METTL4: variants seen among roughly 807,000 people sequenced by gnomAD.
METTL4 encodes methyltransferase 4, N6-adenosine.
METTL4 carries 40 observed loss-of-function variants against 54.0 expected under a neutral mutation model. The observed-to-expected ratio is 0.74, with a 90% confidence interval of 0.58 to 0.96. METTL4 has a LOEUF of 0.96. Ranked by LOEUF, METTL4 falls within the 50% of genes least tolerant of loss-of-function variation. The probability of loss-of-function intolerance (pLI) is 0.00; values close to 1 mark genes in which losing one functional copy is unlikely to be tolerated. For synonymous variants in METTL4, 169 were observed against 183.8 expected, an observed-to-expected ratio of 0.92 and a Z score of 0.65; for missense variants, 525 against 549.0, an observed-to-expected ratio of 0.96 and a Z score of 0.44.
In METTL4 at chr18:2,554,771, T is replaced by C. The variant is rs565502908; in HGVS notation, c.727A>G (p.Ser243Gly). The C allele has an allele frequency of 6.2e-7, 1 of 1,613,902 alleles. No individual in the cohort carries two copies. The highest frequency in any genetic ancestry group is 1.1e-5 in the South Asian group (1 of 91,076). Residue 243 changes from serine (S) to glycine (G), a missense_variant, in exon 4 of 9, where the codon AGC (serine) becomes GGC (glycine). Physicochemically the swap from Ser to Gly is moderately conservative, Grantham distance 56. Coordinates refer to ENST00000574538, the MANE Select transcript of METTL4 (RefSeq NM_022840.5). Reference protein sequence around the residue: ...LFLRVVENNSSFTKVITLMGQ... With the variant: ...LFLRVVENNSGFTKVITLMGQ... The stretch of plus-strand genomic sequence containing the variant: ...ATTAAAGTAATCACTTTTGTAAAGC[T>C]AGAGTTGTTTTCAACAACTCGCAAA...
intron 8 of METTL4, among the ~76,000 whole-genome samples, chr18:2,542,759 G>A (rs1017509468): frequency 6.6e-6 from 1 of 152,108 alleles, no homozygotes; most frequent in Non-Finnish European, 1.5e-5. Context: ...ATTATTCACT[G>A]AGAATCCTTC....
At chr18:2,543,168 T>C (rs943090822) in intron 8 of METTL4, among the ~76,000 whole-genome samples, 1 of 150,842 alleles carries the variant, frequency 6.6e-6, no homozygotes. Flanking sequence ...CTATTTAAGA[T>C]AACAGAAATC....
At chr18:2,568,851 G>T in intron 1 of METTL4, 1 of 217,248 alleles carries the variant, frequency 4.6e-6, no homozygotes, top group South Asian at 8.0e-5. Context: ...GATGATAATT[G>T]GGCCTTCAAG....
Position 2,554,680 on chromosome 18 carries a change from G to A in METTL4, c.818C>T (p.Pro273Leu). ...FLLSDISCMQPLLNYRKTFDV... is the reference protein window; with the variant it reads ...FLLSDISCMQLLLNYRKTFDV... Reference sequence around the variant, plus strand: ...CAATAATTACTTACAGTTTAGAAGTGGTTGCATACAAGAAATGTCAGATAA... The same window carrying A: ...CAATAATTACTTACAGTTTAGAAGTAGTTGCATACAAGAAATGTCAGATAA... The change falls in exon 4 of 9, where the codon CCA (proline) becomes CTA (leucine). Residue 273 changes from proline (P) to leucine (L), a missense_variant. Pro to Leu is a moderately conservative substitution (Grantham distance 98, BLOSUM62 -3). Coordinates refer to ENST00000574538, the MANE Select transcript of METTL4 (RefSeq NM_022840.5). The A allele has an allele frequency of 6.2e-7, 1 of 1,603,654 alleles. No individual in the cohort carries two copies. The highest frequency in any genetic ancestry group is 8.5e-7 in the Non-Finnish European group (1 of 1,177,552).
At chr18:2,554,404 G>A in intron 4 of METTL4, 1 of 358,194 alleles carries the variant, frequency 2.8e-6, no homozygotes. Context: ...AAACACAACT[G>A]CATACCGAAT....
At chr18:2,546,880 T>C (rs1290860588) in intron 6 of METTL4, among the ~76,000 whole-genome samples, 2 of 152,148 alleles carry the variant, frequency 1.3e-5, no homozygotes, top group African/African-American at 2.4e-5. Context: ...TAAAAGGTTC[T>C]TGGTTCTGGC....
intron 3 of METTL4, among the ~76,000 whole-genome samples, chr18:2,560,449 C>T (rs2072299773): frequency 6.6e-6 from 1 of 152,160 alleles, no homozygotes; most frequent in Non-Finnish European, 1.5e-5. Context: ...TAGCTTCCAA[C>T]ACGAGAGGGC....
At chr18:2,552,589 A>G in intron 5 of METTL4, 106 bp downstream of exon 5, 1 of 719,436 alleles carries the variant, frequency 1.4e-6, no homozygotes, top group Non-Finnish European at 2.3e-6. Context: ...GCATTTTAGT[A>G]GTTTCAGATA....
At chr18:2,564,964 C>T (rs570314653) in intron 2 of METTL4, among the ~76,000 whole-genome samples, 4 of 152,118 alleles carry the variant, frequency 2.6e-5, no homozygotes, top group East Asian at 1.9e-4. Context: ...GTGTGTGACA[C>T]GTAGTAAATG....
chr18:2,547,249 T>C (rs1175971136), intron 6 of METTL4, 106 bp downstream of exon 6: 2 of 821,844 alleles, frequency 2.4e-6, no homozygotes, highest in East Asian at 2.9e-5. Context: ...AATTAGCCCA[T>C]GTTGAAGGAG....
At chr18:2,567,833 A>T (rs2072444128) in intron 1 of METTL4, among the ~76,000 whole-genome samples, 179 bp from the exon 2 acceptor site, 1 of 152,236 alleles carries the variant, frequency 6.6e-6, no homozygotes, top group South Asian at 2.1e-4. Context: ...TCCCTACTTA[A>T]TCACTACTAC....
In METTL4 at chr18:2,544,240, CA is replaced by C. The variant is rs747220890; in HGVS notation, c.1227del (p.Ile409MetfsTer19). 9.3e-6 allele frequency: 15 copies of C among 1,613,474 alleles called. No homozygotes were observed. The highest frequency in any genetic ancestry group is 1.1e-5 in the Non-Finnish European group (13 of 1,179,778). ...NVLPIPDHKL[I>X]VSVPCTLHSH... ...GAGTGAAGAGTACAGGGCACGCTGA[CA>C]ATTAATTTGTGGTCTGGAATGGGGA... On this transcript the variant is annotated frameshift_variant, in exon 8 of 9. Transcript: ENST00000574538. LOFTEE classifies it high-confidence loss of function.
rs930101509 is a variant in METTL4 at position 2,561,154 on chromosome 18, A to G, written c.459+2643T>C. 30 of 152,234 alleles carry G rather than the reference A, an allele frequency of 2.0e-4. 1 individual carries two copies. The highest frequency in any genetic ancestry group is 7.0e-4 in the African/African-American group (29 of 41,460). The allele number at this position is 152,234 out of a possible 1,614,324, so 9.4% of individuals were successfully genotyped here. A position where few individuals can be genotyped will look rare whatever the true frequency, so the allele number is the denominator to read the frequency against. On this transcript the variant is annotated intron_variant, in intron 3 of 8. Transcript: ENST00000574538. ...TTATCCCCCTTGTCAAGCACAAGAC[A>G]AAGTAAATATGCTCACATATATTAC...
At chr18:2,540,263 TATGCTAA>T (rs1390277102) in intron 8 of METTL4, 1 of 980,802 alleles carries the variant, frequency 1.0e-6, no homozygotes, top group Admixed American at 6.2e-5. Context: ...GCTGGTTAGC[TATGCTAA>T]CCACCTAATA....
Position 2,538,862 on chromosome 18 carries a change from TG to T in METTL4, c.*137del. 1.2e-6 allele frequency: 1 copy of T among 810,922 alleles called. No homozygotes were observed. The highest frequency in any genetic ancestry group is 1.9e-6 in the Non-Finnish European group (1 of 518,746). 50.2% of individuals were successfully genotyped at this position (810,922 alleles called of 1,614,324 possible). A position where few individuals can be genotyped will look rare whatever the true frequency, so the allele number is the denominator to read the frequency against. ...AAATTACATGAAGGCTAGTCACTTCTGGTCCCTTACTGAAAAAAACAAGTCC... is the reference window on the plus strand; with the variant it reads ...AAATTACATGAAGGCTAGTCACTTCTGTCCCTTACTGAAAAAAACAAGTCC... On this transcript the variant is annotated 3_prime_UTR_variant, in exon 9 of 9. Coordinates refer to ENST00000574538, the MANE Select transcript of METTL4 (RefSeq NM_022840.5).
At chr18:2,544,351 G>A in intron 7 of METTL4, 65 bp from the exon 8 acceptor site, 2 of 1,166,546 alleles carry the variant, frequency 1.7e-6, no homozygotes, top group Middle Eastern at 2.4e-4. Flanking sequence ...ATAAGCCACA[G>A]CTGCATTGAT....
At chr18:2,563,993 C>CA in intron 2 of METTL4, 134 bp from the exon 3 acceptor site, 1 of 559,776 alleles carries the variant, frequency 1.8e-6, no homozygotes, top group Non-Finnish European at 3.1e-6. Flanking sequence ...CTACTGAGGT[C>CA]AAAATCAATG....
intron 6 of METTL4, among the ~76,000 whole-genome samples, chr18:2,545,395 G>C (rs1023318404): frequency 6.6e-6 from 1 of 151,940 alleles, no homozygotes; most frequent in East Asian, 1.9e-4. Flanking sequence ...TTTCCCTTTA[G>C]TTACACGAGA....
At chr18:2,545,419 C>T (rs2072056245) in intron 6 of METTL4, among the ~76,000 whole-genome samples, 1 of 151,978 alleles carries the variant, frequency 6.6e-6, no homozygotes, top group Admixed American at 6.6e-5. Flanking sequence ...TATCATTAAA[C>T]ATTGTCAAAG....
Sources: gnomAD v4.1 joint callset for allele counts (sites outside exome capture counted in the v4.1 genomes callset) on GRCh38, gnomAD v4.1.1 for gene constraint, MANE v1.5 for transcripts, NCBI Gene and HGNC (gene_info 2026-07-23, HGNC 2026-07-21) for gene names.